The following WWOX variants were observed in gnomAD, a reference collection of about 807,000 sequenced individuals.
WWOX encodes the protein WW domain containing oxidoreductase, also known as WW domain-containing oxidoreductase.
A neutral mutation model predicts 46.2 loss-of-function variants in WWOX; 69 were observed. That is an observed-to-expected ratio of 1.49 (90% CI 1.23 to 1.82). WWOX has a LOEUF of 1.82. Ranked by LOEUF, WWOX falls within the 40% of genes most tolerant of loss-of-function variation. The pLI is 0.00. For missense variants in WWOX, 919 were observed against 542.6 expected, an observed-to-expected ratio of 1.69 and a Z score of -6.89; for synonymous variants, 359 against 202.6, an observed-to-expected ratio of 1.77 and a Z score of -6.56.
intron 8 of WWOX, among the ~76,000 whole-genome samples, chr16:78,481,418 G>A (rs910352506): frequency 1.3e-5 from 2 of 152,072 alleles, no homozygotes; most frequent in Admixed American, 1.3e-4. Context: ...GAAATAAAAG[G>A]TTTCATAAAT....
intron 8 of WWOX, among the ~76,000 whole-genome samples, chr16:78,742,262 A>G (rs11867110): frequency 0.26 from 39,975 of 152,142 alleles, 8,009 homozygotes; most frequent in African/African-American, 0.56. Context: ...TGATCAAGGC[A>G]GTTTGGAGAC....
At chr16:78,640,346 T>C (rs1358242487) in intron 8 of WWOX, among the ~76,000 whole-genome samples, 1 of 150,744 alleles carries the variant, frequency 6.6e-6, no homozygotes, top group Non-Finnish European at 1.5e-5. Flanking sequence ...CCTTGAAAAT[T>C]TGGAGTGCCA....
rs72792401 is a variant in WWOX, at chr16:78,339,084, A to T, written c.517-47776A>T. 3.3e-5 allele frequency among the ~76,000 whole-genome samples: 4 copies of T among 119,682 alleles called. 2 individuals carry two copies. The highest frequency in any genetic ancestry group is 8.0e-5 in the Non-Finnish European group (4 of 50,220). The allele number at this position is 119,682 out of a possible 152,430, so 78.5% of individuals were successfully genotyped here. ...TAGCTTCCTTCTACTTTGGTGCCCC[A>T]TGATGATGTGCATCTTTTTTATTTC... On this transcript the variant is annotated intron_variant, in intron 5 of 8. Coordinates refer to ENST00000566780, the MANE Select transcript of WWOX (RefSeq NM_016373.4).
intron 8 of WWOX, among the ~76,000 whole-genome samples, chr16:78,875,160 GTTGCAAGA>G (rs2044210024): frequency 6.6e-6 from 1 of 152,192 alleles, no homozygotes; most frequent in South Asian, 2.1e-4. Flanking sequence ...ATTCAGGAAT[GTTGCAAGA>G]TTGCATGAGA....
At chr16:78,595,682 C>T (rs928294559) in intron 8 of WWOX, among the ~76,000 whole-genome samples, 1 of 152,164 alleles carries the variant, frequency 6.6e-6, no homozygotes, top group Non-Finnish European at 1.5e-5. Context: ...TAGGATGGCT[C>T]CTCAGATAGC....
At chr16:78,143,272 G>T (rs1470937332) in intron 4 of WWOX, among the ~76,000 whole-genome samples, 2 of 152,164 alleles carry the variant, frequency 1.3e-5, no homozygotes, top group African/African-American at 4.8e-5. Flanking sequence ...TCATCCACAT[G>T]GGTTCTGAAC....
chr16:78,106,608 G>C (rs978736574), intron 1 of WWOX, among the ~76,000 whole-genome samples: 6 of 152,038 alleles, frequency 3.9e-5, no homozygotes, highest in Middle Eastern at 6.8e-3. Context: ...TAGAGACAGG[G>C]TTTCTCCATG....
Position 79,129,964 on chromosome 16 carries a change from G to C in WWOX, c.1057-81644G>C, listed in dbSNP as rs553189768. On this transcript the variant is annotated intron_variant, in intron 8 of 8. Transcript: ENST00000566780. ...TACCACTTTGCCACTTTAAGTCTCC[G>C]TTTCCTCATCTGTAAAATAGAGGTA... Among the ~76,000 whole-genome samples, 20 of 152,246 alleles carry C rather than the reference G, an allele frequency of 1.3e-4. No individual in the cohort carries two copies. The East Asian group carries it at 3.9e-3, about 29-fold the overall frequency.
intron 4 of WWOX, among the ~76,000 whole-genome samples, chr16:78,151,722 C>T (rs1187317562): frequency 6.6e-6 from 1 of 152,128 alleles, no homozygotes; most frequent in African/African-American, 2.4e-5. Flanking sequence ...CTTCCTATAG[C>T]AGGCATGTAT....
intron 8 of WWOX, among the ~76,000 whole-genome samples, chr16:78,716,741 G>A (rs930290854): frequency 6.6e-6 from 1 of 152,112 alleles, no homozygotes; most frequent in Admixed American, 6.5e-5. Flanking sequence ...AGAAAAAAAA[G>A]CGTCTCTATT....
chr16:78,586,354 A>G (rs560299512), intron 8 of WWOX, among the ~76,000 whole-genome samples: 2 of 152,266 alleles, frequency 1.3e-5, no homozygotes, highest in East Asian at 3.9e-4. Flanking sequence ...AGGTAACCTG[A>G]GGCTAGACAA....
At chr16:78,898,076 T>C (rs1040811591) in intron 8 of WWOX, 2 of 152,118 alleles carry the variant, frequency 1.3e-5, no homozygotes, top group Admixed American at 6.6e-5. Flanking sequence ...TTTTTTCATA[T>C]GTACTGTGAA....
intron 5 of WWOX, among the ~76,000 whole-genome samples, chr16:78,343,596 C>G (rs897663199): frequency 8.3e-6 from 1 of 120,886 alleles, no homozygotes; most frequent in African/African-American, 2.8e-5. Context: ...GGCGGTAACT[C>G]TTTAAAGGGA....
Position 78,998,688 on chromosome 16 carries a change from A to G in WWOX, c.1057-212920A>G, listed in dbSNP as rs79710870. ...GCTAGCACAGTGCTCAGCATGCATG[A>G]AGGACTCTTTCATTATCGTTATTAA... On this transcript the variant is annotated intron_variant, in intron 8 of 8. Transcript: ENST00000566780. Among the ~76,000 whole-genome samples the G allele has an allele frequency of 2.0e-5, 3 of 152,356 alleles. No homozygotes were observed. In the East Asian group the frequency reaches 5.8e-4, roughly 29 times the overall value.
At chr16:78,378,261 G>A (rs1024340069) in intron 5 of WWOX, among the ~76,000 whole-genome samples, 1 of 152,152 alleles carries the variant, frequency 6.6e-6, no homozygotes, top group Non-Finnish European at 1.5e-5. Flanking sequence ...AGTCAGTGAA[G>A]AGACTCTCAA....
intron 1 of WWOX, chr16:78,100,336 T>C: frequency 1.3e-6 from 1 of 779,784 alleles, no homozygotes; most frequent in Non-Finnish European, 1.6e-6. Flanking sequence ...CACTGTAGCC[T>C]CTACCTACTG....
chr16:78,644,315 C>G (rs1400107404), intron 8 of WWOX, among the ~76,000 whole-genome samples: 2 of 152,136 alleles, frequency 1.3e-5, no homozygotes, highest in East Asian at 1.9e-4. Context: ...TGCTGGTGGA[C>G]AGATGGACAG....
At chr16:79,058,592 A>G (rs188375810) in intron 8 of WWOX, among the ~76,000 whole-genome samples, 65 of 152,256 alleles carry the variant, frequency 4.3e-4, no homozygotes, top group African/African-American at 1.5e-3. Flanking sequence ...GAATGAAAAT[A>G]ACTTGACCTT....
intron 8 of WWOX, among the ~76,000 whole-genome samples, chr16:78,484,723 T>C (rs774812000): frequency 2.0e-5 from 3 of 152,030 alleles, no homozygotes; most frequent in African/African-American, 4.8e-5. Context: ...TAATTCTCTC[T>C]CCCAAAATGA....
Sources: gnomAD v4.1 joint callset for allele counts (sites outside exome capture counted in the v4.1 genomes callset) on GRCh38, gnomAD v4.1.1 for gene constraint, MANE v1.5 for transcripts, NCBI Gene and HGNC (gene_info 2026-07-23, HGNC 2026-07-21) for gene names.